APC2: variants seen among roughly 807,000 people sequenced by gnomAD.
APC2 encodes APC regulator of Wnt signaling pathway 2, also known as adenomatous polyposis coli protein 2.
A neutral mutation model predicts 72.5 loss-of-function variants in APC2; 41 were observed. The observed-to-expected ratio is 0.57, with a 90% CI of 0.44 to 0.73. The LOEUF is 0.73. Ranked by LOEUF, APC2 falls within the 30% of genes least tolerant of loss-of-function variation. The pLI, the probability that APC2 is intolerant of heterozygous loss-of-function variation, is 0.00. For synonymous variants in APC2, 1,898 were observed against 1,612.0 expected, an observed-to-expected ratio of 1.18 and a Z score of -4.25; for missense variants, 3,729 against 3,403.4, an observed-to-expected ratio of 1.10 and a Z score of -2.38.
At chr19:1,449,608 C>T (rs757020666), upstream of APC2, among the ~76,000 whole-genome samples, 15 of 152,104 alleles carry the variant, frequency 9.9e-5, no homozygotes, top group Admixed American at 2.0e-4. Flanking sequence ...ATGCAGCGTC[C>T]CAGGTGCTCC....
upstream of APC2, chr19:1,450,116 C>A (rs1315419672): frequency 1.0e-6 from 1 of 984,046 alleles, no homozygotes; most frequent in African/African-American, 1.7e-5. Context: ...CATCCTCCCC[C>A]GCTCGCGGTG....
At position 1,467,367 on chromosome 19, in the gene APC2, C is replaced by T; in HGVS notation, c.4066C>T (p.Arg1356Cys). The T allele has an allele frequency of 6.8e-7, 1 of 1,478,680 alleles. No homozygotes were observed. Among genetic ancestry groups the T allele is most frequent in the Non-Finnish European group, 8.9e-7 (1 of 1,119,902 alleles). The allele number at this position is 1,478,680 out of a possible 1,614,324, so 91.6% of individuals were successfully genotyped here. Residue 1356 changes from arginine (R) to cysteine (C), a missense_variant, in exon 15 of 15, where the codon CGC becomes TGC. By Grantham distance (180) the Arg-to-Cys change is radical. Transcript: ENST00000590469. ...CLGAAVPARLRKVASALVPGR... is the reference protein window; with the variant it reads ...CLGAAVPARLCKVASALVPGR... ...GGGAGCCGCCGTGCCTGCCCGGCTG[C>T]GCAAGGTGGCCTCCGCGCTGGTGCC...
chr19:1,447,438 C>T (rs2083697670), upstream of APC2, among the ~76,000 whole-genome samples: 1 of 152,134 alleles, frequency 6.6e-6, no homozygotes, highest in Admixed American at 6.5e-5. Context: ...CATGGAACTT[C>T]CCCTTTAGCC....
At position 1,470,449 on chromosome 19, in the gene APC2, C is replaced by A; in HGVS notation, c.*236C>A. ...ACGGGGCGGCCGCTAGGCCTCAAGT[C>A]CCGACCGTGGAGCGCTGGCAAGGGC... On this transcript the variant is annotated 3_prime_UTR_variant, in exon 15 of 15. Coordinates refer to ENST00000590469, the MANE Select transcript of APC2 (RefSeq NM_005883.3). 1 of 588,108 alleles carries A rather than the reference C, an allele frequency of 1.7e-6. No homozygotes were observed. The highest frequency in any genetic ancestry group is 3.5e-5 in the East Asian group (1 of 28,450). 36.4% of individuals were successfully genotyped at this position (588,108 alleles called of 1,614,324 possible). A position where few individuals can be genotyped will look rare whatever the true frequency, so the allele number is the denominator to read the frequency against.
chr19:1,467,312 C>T lies in APC2; in HGVS notation c.4011C>T (p.Asp1337=), dbSNP rs1446323851. ...GTTCTCGCCCTCGCGGCGCCGCGGACCAGGAGCTGGAACTGCTGCGGGAGT... is the reference window on the plus strand; with the variant it reads ...GTTCTCGCCCTCGCGGCGCCGCGGATCAGGAGCTGGAACTGCTGCGGGAGT... ...PTGSRPRGAA[D]QELELLRECL... is the part of the protein sequence containing the mutation. The change falls in exon 15 of 15, where the codon GAC becomes GAT. Residue 1337 remains aspartate, a synonymous_variant. Transcript: ENST00000590469. 1.4e-5 allele frequency: 19 copies of T among 1,348,266 alleles called. No homozygotes were observed. In the East Asian group the frequency reaches 4.7e-4, roughly 33 times the overall value. 83.5% of individuals were successfully genotyped at this position (1,348,266 alleles called of 1,614,324 possible). A position where few individuals can be genotyped will look rare whatever the true frequency, so the allele number is the denominator to read the frequency against.
rs1329769184 is a variant in APC2 at position 1,452,990 on chromosome 19, C to A, written c.-12C>A. 4.8e-5 allele frequency: 77 copies of A among 1,610,670 alleles called. 1 individual carries two copies. The Admixed American group carries it at 1.3e-3, about 27-fold the overall frequency. On this transcript the variant is annotated 5_prime_UTR_variant, in exon 2 of 15. Coordinates refer to ENST00000590469, the MANE Select transcript of APC2 (RefSeq NM_005883.3). This position sits in a 1 kb window ranked among gnomAD's most constrained non-coding sequence, Gnocchi z 5.1. ...TCTGACCCTGTGATCCCAGACGCTG[C>A]AGGAGCTGAAGATGGCGAGCTCCGT... is the stretch of plus-strand genomic sequence containing the variant.
chr19:1,452,892 G>C lies in APC2; in HGVS notation c.-18-92G>C, dbSNP rs746248950. On this transcript the variant is annotated intron_variant, in intron 1 of 14. Transcript: ENST00000590469. The surrounding 1 kb of genome is among the most constrained non-coding windows in gnomAD (Gnocchi z 5.1). ...CCCCCAACCCAGGATCAGGCAGGACGGCTGGGGCTTAGGTCAGGGGCCGTC... is the reference window on the plus strand; with the variant it reads ...CCCCCAACCCAGGATCAGGCAGGACCGCTGGGGCTTAGGTCAGGGGCCGTC... The C allele has an allele frequency of 1.4e-6, 2 of 1,444,056 alleles. No individual in the cohort carries two copies. The highest frequency in any genetic ancestry group is 1.4e-5 in the African/African-American group (1 of 71,084). The allele number at this position is 1,444,056 out of a possible 1,614,324, so 89.5% of individuals were successfully genotyped here.
In APC2 at chr19:1,455,629, C is replaced by T. The variant is rs113281555; in HGVS notation, c.639+129C>T. On this transcript the variant is annotated intron_variant, in intron 6 of 14. Coordinates refer to ENST00000590469, the MANE Select transcript of APC2 (RefSeq NM_005883.3). ...CTTATGCCTCCTGGGTTGGGGGGCG[C>T]GGGTTCTGGTTCAGGAGGCGGGGCC... 5,667 of 921,930 alleles carry T rather than the reference C, an allele frequency of 6.1e-3. 196 individuals are homozygous for T. The African/African-American group carries it at 0.079, about 13-fold the overall frequency. The allele number at this position is 921,930 out of a possible 1,614,324, so 57.1% of individuals were successfully genotyped here.
chr19:1,465,856 C>T lies in APC2; in HGVS notation c.2555C>T (p.Ala852Val), dbSNP rs772185881. Residue 852 changes from alanine (A) to valine (V), a missense_variant, in exon 15 of 15, where the codon GCG becomes GTG. Coordinates refer to ENST00000590469, the MANE Select transcript of APC2 (RefSeq NM_005883.3). Reference sequence around the variant, plus strand: ...AAGGCCAAGCTGGCGCTTGCAGTGGCGCGCATCGACCAGCTGGTGGAGGAC... The same window carrying T: ...AAGGCCAAGCTGGCGCTTGCAGTGGTGCGCATCGACCAGCTGGTGGAGGAC... ...KAKAKLALAV[A>V]RIDQLVEDIS... 6 of 1,568,316 alleles carry T rather than the reference C, an allele frequency of 3.8e-6. No homozygotes were observed. Among genetic ancestry groups the T allele is most frequent in the South Asian group, 1.2e-5 (1 of 86,298 alleles).
chr19:1,450,262 G>T lies in APC2; in HGVS notation c.-95G>T, dbSNP rs187882587. The T allele has an allele frequency of 8.5e-4, 836 of 985,394 alleles. 28 individuals are homozygous for T. The Admixed American group carries it at 0.045, about 53-fold the overall frequency. The allele number at this position is 985,394 out of a possible 1,614,324, so 61.0% of individuals were successfully genotyped here. A position where few individuals can be genotyped will look rare whatever the true frequency, so the allele number is the denominator to read the frequency against. The stretch of plus-strand genomic sequence containing the variant: ...GAGGCCACCCCGGGCCGGGATTTCC[G>T]GTGGGGCCCGCGGAGCCGCGCAGAG... On this transcript the variant is annotated 5_prime_UTR_variant, in exon 1 of 15. Transcript: ENST00000590469.
chr19:1,460,304 G>A lies in APC2; in HGVS notation c.1427G>A (p.Gly476Glu). ...AGMTLTNLTF[G>E]DVANKATLCA... ...ATGACCCTCACCAACCTCACCTTTG[G>A]GGACGTTGCCAACAAGGTGCCCGGG... Residue 476 changes from glycine to glutamate, a missense_variant, in exon 11 of 15, where the codon GGG becomes GAG. Gly to Glu is a moderately conservative substitution (Grantham distance 98). Coordinates refer to ENST00000590469, the MANE Select transcript of APC2 (RefSeq NM_005883.3). The A allele has an allele frequency of 1.2e-6, 2 of 1,613,480 alleles. No individual in the cohort carries two copies. Among genetic ancestry groups the A allele is most frequent in the South Asian group, 1.1e-5 (1 of 91,078 alleles).
chr19:1,460,194 C>CT lies in APC2; in HGVS notation c.1317_1318insT (p.Val440CysfsTer8). The CT allele has an allele frequency of 6.2e-7, 1 of 1,613,374 alleles. No individual in the cohort carries two copies. The highest frequency in any genetic ancestry group is 8.5e-7 in the Non-Finnish European group (1 of 1,180,002). On this transcript the variant is annotated frameshift_variant, in exon 11 of 15. Transcript: ENST00000590469. LOFTEE classifies it high-confidence loss of function. ...GGGTCCTCACAGGTGGGCTGCAGGC[C>CT]GTGGCAGAGCTGCTGCAGGTTGACT...
At position 1,469,852 on chromosome 19, in the gene APC2, G is replaced by A. The variant is rs763459814; in HGVS notation, c.6551G>A (p.Arg2184His). 1.3e-6 allele frequency: 2 copies of A among 1,519,550 alleles called. No homozygotes were observed. The highest frequency in any genetic ancestry group is 1.8e-6 in the Non-Finnish European group (2 of 1,140,892). 94.1% of individuals were successfully genotyped at this position (1,519,550 alleles called of 1,614,324 possible). A position where few individuals can be genotyped will look rare whatever the true frequency, so the allele number is the denominator to read the frequency against. The change falls in exon 15 of 15, where the codon CGC becomes CAC. Residue 2184 changes from arginine (R) to histidine (H), a missense_variant. Physicochemically the swap from Arg to His is conservative, Grantham distance 29. Coordinates refer to ENST00000590469, the MANE Select transcript of APC2 (RefSeq NM_005883.3). ...GACGCCCCGGCCGGGCCCCCGCCGC[G>A]CAAGACCAGCGACGCCGTGGTCCAG... Reference protein sequence around the residue: ...PEDAPAGPPPRKTSDAVVQTE... With the variant: ...PEDAPAGPPPHKTSDAVVQTE...
intron 1 of APC2, chr19:1,451,419 T>G (rs2083741409): frequency 6.5e-6 from 1 of 152,710 alleles, no homozygotes; most frequent in Admixed American, 6.5e-5. Context: ...TCCCTGCGTG[T>G]AGCCCCCAAC....
At position 1,453,435 on chromosome 19, in the gene APC2, A is replaced by T. The variant is rs760436565; in HGVS notation, c.237A>T (p.Leu79=). Residue 79 remains leucine, a synonymous_variant, in exon 4 of 15, where the codon CTA becomes CTT. Transcript: ENST00000590469. ...QTEVLEQLKA[L]QMDITSLYNL... ...GCCCTGTCCCCGCCCATCCAGCCCT[A>T]CAGATGGACATCACCAGCCTGTACA... is the stretch of plus-strand genomic sequence containing the variant. The T allele has an allele frequency of 6.2e-7, 1 of 1,602,182 alleles. No homozygotes were observed. Among genetic ancestry groups the T allele is most frequent in the South Asian group, 1.1e-5 (1 of 90,606 alleles).
rs1230085355 is a variant in APC2, at chr19:1,465,679, C to T, written c.2378C>T (p.Thr793Ile). 1.9e-6 allele frequency: 3 copies of T among 1,595,536 alleles called. No individual in the cohort carries two copies. The highest frequency in any genetic ancestry group is 1.3e-5 in the African/African-American group (1 of 74,466). ...TCATCCCTGGCTGCGGCCGCGGCCA[C>T]CGGGGAGCCAGCCAGCCCTGCCGCG... ...APSSLAAAAA[T>I]GEPASPAALS... Residue 793 changes from threonine to isoleucine, a missense_variant, in exon 15 of 15, where the codon ACC (threonine) becomes ATC (isoleucine). Transcript: ENST00000590469.
At chr19:1,463,416 C>CAAAA (rs77093731) in intron 14 of APC2, among the ~76,000 whole-genome samples, 82 of 98,566 alleles carry the variant, frequency 8.3e-4, no homozygotes, top group African/African-American at 2.7e-3. Context: ...GACTCTGTCT[C>CAAAA]AAAAAAAAAA....
chr19:1,456,654 G>T lies in APC2; in HGVS notation c.817-199G>T, dbSNP rs2656871. ...CCCGTGGAGTCCCTTGGCTCTGCGC[G>T]GCCACCCTAGGAATGCCAGGTGAGG... On this transcript the variant is annotated intron_variant, in intron 8 of 14. Coordinates refer to ENST00000590469, the MANE Select transcript of APC2 (RefSeq NM_005883.3). Among the ~76,000 whole-genome samples the T allele has an allele frequency of 0.62, 94,603 of 151,708 alleles. 30,280 individuals carry two copies. Among genetic ancestry groups the T allele is most frequent in the African/African-American group, 0.77 (31,718 of 41,402 alleles).
Position 1,456,347 on chromosome 19 carries a change from C to G in APC2, c.759C>G (p.Pro253=), listed in dbSNP as rs760599390. ...AVKSVPVDED[P]ETEVPTHPED... is the part of the protein sequence containing the mutation. ...AGTCGGTGCCGGTGGACGAGGACCC[C>G]GAGACAGAGGTCCCCACACACCCTG... Residue 253 remains proline, a synonymous_variant, in exon 8 of 15, where the codon CCC becomes CCG. Transcript: ENST00000590469. 1 of 1,609,486 alleles carries G rather than the reference C, an allele frequency of 6.2e-7. No individual in the cohort carries two copies. The highest frequency in any genetic ancestry group is 2.2e-5 in the East Asian group (1 of 44,736).
Sources: allele counts gnomAD v4.1 joint callset (sites outside exome capture counted in the v4.1 genomes callset), GRCh38; gene constraint gnomAD v4.1.1; non-coding constraint Gnocchi (gnomAD v3.1); transcripts MANE v1.5; gene names NCBI Gene and HGNC (gene_info 2026-07-23, HGNC 2026-07-21).